Variants in PFN2 observed in about 807,000 individuals in gnomAD.
PFN2 encodes the protein profilin-2.
In PFN2, 8 loss-of-function variants were observed where a neutral mutation model predicts 15.3. That is an observed-to-expected ratio of 0.52 (90% CI 0.31 to 0.95). The LOEUF (loss-of-function observed/expected upper bound fraction) is 0.95, where lower values mean the gene tolerates loss of function less well. PFN2 is among the 40% of genes least tolerant of loss of function. The probability of loss-of-function intolerance (pLI) is 0.05; values close to 1 mark genes in which losing one functional copy is unlikely to be tolerated. For synonymous variants in PFN2, 79 were observed against 67.9 expected, an observed-to-expected ratio of 1.16 and a Z score of -0.81; for missense variants, 111 against 182.3, an observed-to-expected ratio of 0.61 and a Z score of 2.25.
chr3:149,966,394 C>A lies in PFN2; in HGVS notation c.*95G>T. On this transcript the variant is annotated 3_prime_UTR_variant, in exon 3 of 3. Coordinates refer to ENST00000239940, the MANE Select transcript of PFN2 (RefSeq NM_053024.4). ...CACAGGTTCATACCCCATCACCCTG[C>A]ATTGCTAATAAAATTTCCAGAATTA... is the stretch of plus-strand genomic sequence containing the variant. 1 of 1,589,252 alleles carries A rather than the reference C, an allele frequency of 6.3e-7. No individual in the cohort carries two copies. Among genetic ancestry groups the A allele is most frequent in the Non-Finnish European group, 8.5e-7 (1 of 1,170,218 alleles).
intron 1 of PFN2, among the ~76,000 whole-genome samples, chr3:149,969,245 G>A (rs1559986905): frequency 6.6e-6 from 1 of 152,172 alleles, no homozygotes; most frequent in African/African-American, 2.4e-5. Flanking sequence ...CAGCACTGCG[G>A]TAGGCAATAG....
At position 149,970,866 on chromosome 3, in the gene PFN2, C is replaced by T. The variant is rs1354019325; in HGVS notation, c.-10G>A. On this transcript the variant is annotated 5_prime_UTR_variant, in exon 1 of 3. Transcript: ENST00000239940. ...TCTGCCAACCGGCCATCTTCGAGCC[C>T]TTCGCACTGCAGCGCGGACGGCGAG... 4 of 1,430,208 alleles carry T rather than the reference C, an allele frequency of 2.8e-6. No individual in the cohort carries two copies. In the East Asian group the frequency reaches 9.6e-5, roughly 34 times the overall value. 88.6% of individuals were successfully genotyped at this position (1,430,208 alleles called of 1,614,324 possible).
rs1722695522 is a variant in PFN2 at position 149,966,483 on chromosome 3, T to C, written c.*6A>G. 2 of 1,612,566 alleles carry C rather than the reference T, an allele frequency of 1.2e-6. No individual in the cohort carries two copies. The highest frequency in any genetic ancestry group is 8.5e-7 in the Non-Finnish European group (1 of 1,178,974). On this transcript the variant is annotated 3_prime_UTR_variant, in exon 3 of 3. Coordinates refer to ENST00000239940, the MANE Select transcript of PFN2 (RefSeq NM_053024.4). ...TTCCCCTAATACTTAACAGTCTGCC[T>C]AGCAGCTAGAACCCAGAGTCTCTCA...
In PFN2 at chr3:149,965,753, C is replaced by T; in HGVS notation, c.*736G>A. 9.6e-7 allele frequency: 1 copy of T among 1,045,316 alleles called. No individual in the cohort carries two copies. The highest frequency in any genetic ancestry group is 1.2e-6 in the Non-Finnish European group (1 of 868,352). The allele number at this position is 1,045,316 out of a possible 1,614,324, so 64.8% of individuals were successfully genotyped here. A position where few individuals can be genotyped will look rare whatever the true frequency, so the allele number is the denominator to read the frequency against. On this transcript the variant is annotated 3_prime_UTR_variant, in exon 3 of 3. Coordinates refer to ENST00000239940, the MANE Select transcript of PFN2 (RefSeq NM_053024.4). The stretch of plus-strand genomic sequence containing the variant: ...GAAGAGTGAAGGAATGATGCATGCA[C>T]TTTTTCCTCCCAACCATGCGCTACA...
intron 1 of PFN2, among the ~76,000 whole-genome samples, chr3:149,970,199 G>A (rs549816114): frequency 3.9e-4 from 59 of 152,218 alleles, no homozygotes; most frequent in African/African-American, 1.4e-3. Flanking sequence ...CGGGGGCCGG[G>A]CCGGGGCCGC....
At chr3:149,970,346 T>C (rs935145372) in intron 1 of PFN2, 19 of 156,010 alleles carry the variant, frequency 1.2e-4, no homozygotes, top group African/African-American at 3.6e-4. Context: ...AGAACGTGCA[T>C]AGCAAACCTC....
intron 1 of PFN2, 65 bp from the exon 2 acceptor site, chr3:149,968,615 G>A: frequency 7.2e-7 from 1 of 1,386,916 alleles, no homozygotes; most frequent in Non-Finnish European, 1.0e-6. Context: ...ACTCCTTTTA[G>A]GGCTTGATGT....
chr3:149,968,568 GAA>G lies in PFN2; in HGVS notation c.133-20_133-19del, dbSNP rs376406214. On this transcript the variant is annotated intron_variant, in intron 1 of 2. Coordinates refer to ENST00000239940, the MANE Select transcript of PFN2 (RefSeq NM_053024.4). ...TCTATTGGCTGCCCCCCACCAAAAAGAAAAAAAAAAAACACACACACATTAAG... is the reference window on the plus strand; with the variant it reads ...TCTATTGGCTGCCCCCCACCAAAAAGAAAAAAAAAACACACACACATTAAG... 6.8e-5 allele frequency: 78 copies of G among 1,155,106 alleles called. No individual in the cohort carries two copies. The highest frequency in any genetic ancestry group is 5.4e-5 in the Non-Finnish European group (50 of 925,492). 71.6% of individuals were successfully genotyped at this position (1,155,106 alleles called of 1,614,324 possible).
Position 149,965,304 on chromosome 3 carries a change from T to C in PFN2, c.*1185A>G, listed in dbSNP as rs1336499849. 9 of 1,534,808 alleles carry C rather than the reference T, an allele frequency of 5.9e-6. No individual in the cohort carries two copies. The highest frequency in any genetic ancestry group is 7.9e-6 in the Non-Finnish European group (9 of 1,146,376). ...AAGCTGCAAATAAAAATTGGTCCTA[T>C]GAAGAACAAACTGGACACACTCCAG... is the stretch of plus-strand genomic sequence containing the variant. On this transcript the variant is annotated 3_prime_UTR_variant, in exon 3 of 3. Coordinates refer to ENST00000239940, the MANE Select transcript of PFN2 (RefSeq NM_053024.4).
chr3:149,966,736 G>A, intron 2 of PFN2, 150 bp from the exon 3 acceptor site: 1 of 649,442 alleles, frequency 1.5e-6, no homozygotes, highest in Non-Finnish European at 2.7e-6. Flanking sequence ...TTTCCAAAAA[G>A]AACTTTCAAA....
In PFN2 at chr3:149,965,408, A is replaced by G. The variant is rs974484532; in HGVS notation, c.*1081T>C. On this transcript the variant is annotated 3_prime_UTR_variant, in exon 3 of 3. Transcript: ENST00000239940. ...TAAAGAGTAGAGCTGGTGTGCAAAGAAAAAGGAAGAAAAATCTGAGCTATT... is the reference window on the plus strand; with the variant it reads ...TAAAGAGTAGAGCTGGTGTGCAAAGGAAAAGGAAGAAAAATCTGAGCTATT... 2 of 1,448,460 alleles carry G rather than the reference A, an allele frequency of 1.4e-6. No individual in the cohort carries two copies. Among genetic ancestry groups the G allele is most frequent in the African/African-American group, 1.4e-5 (1 of 69,894 alleles). 89.7% of individuals were successfully genotyped at this position (1,448,460 alleles called of 1,614,324 possible). A position where few individuals can be genotyped will look rare whatever the true frequency, so the allele number is the denominator to read the frequency against.
At position 149,970,661 on chromosome 3, in the gene PFN2, C is replaced by T; in HGVS notation, c.132+64G>A. The T allele has an allele frequency of 2.8e-6, 4 of 1,421,558 alleles. No individual in the cohort carries two copies. In the South Asian group the frequency reaches 4.1e-5, roughly 15 times the overall value. 88.1% of individuals were successfully genotyped at this position (1,421,558 alleles called of 1,614,324 possible). A position where few individuals can be genotyped will look rare whatever the true frequency, so the allele number is the denominator to read the frequency against. On this transcript the variant is annotated intron_variant, in intron 1 of 2. Transcript: ENST00000239940. ...AGTGTTCCAGCCCCGCGCTGCGGTG[C>T]CCCCGCGGCCGGCCACCCCGCTCCG...
At chr3:149,968,304 C>A in intron 2 of PFN2, 54 bp downstream of exon 2, 1 of 1,499,606 alleles carries the variant, frequency 6.7e-7, no homozygotes, top group Non-Finnish European at 9.2e-7. Flanking sequence ...AAAGAAACTG[C>A]TTAATAAGTT....
chr3:149,966,650 A>G, intron 2 of PFN2, 64 bp from the exon 3 acceptor site: 1 of 1,211,864 alleles, frequency 8.3e-7, no homozygotes, highest in Non-Finnish European at 1.2e-6. Flanking sequence ...CATAAGTTTT[A>G]GCAGACAGAA....
chr3:149,969,263 G>GA lies in PFN2; in HGVS notation c.133-714dup, dbSNP rs749073915. On this transcript the variant is annotated intron_variant, in intron 1 of 2. Coordinates refer to ENST00000239940, the MANE Select transcript of PFN2 (RefSeq NM_053024.4). ...CACTGCGGTAGGCAATAGTAAAACA[G>GA]AAAAAATGGAGGGAGATTGGGAAAG... Among the ~76,000 whole-genome samples the GA allele has an allele frequency of 9.2e-5, 14 of 152,220 alleles. No individual in the cohort carries two copies. The East Asian group carries it at 2.3e-3, about 25-fold the overall frequency.
In PFN2 at chr3:149,965,416, A is replaced by G. The variant is rs761614896; in HGVS notation, c.*1073T>C. The stretch of plus-strand genomic sequence containing the variant: ...AGAGCTGGTGTGCAAAGAAAAAGGA[A>G]GAAAAATCTGAGCTATTGCAATGAT... On this transcript the variant is annotated 3_prime_UTR_variant, in exon 3 of 3. Coordinates refer to ENST00000239940, the MANE Select transcript of PFN2 (RefSeq NM_053024.4). The G allele has an allele frequency of 6.3e-5, 91 of 1,448,368 alleles. No homozygotes were observed. The highest frequency in any genetic ancestry group is 1.8e-4 in the Middle Eastern group (1 of 5,558). The allele number at this position is 1,448,368 out of a possible 1,614,324, so 89.7% of individuals were successfully genotyped here.
In PFN2 at chr3:149,970,743, GC is replaced by G. The variant is rs1272983738; in HGVS notation, c.113del (p.Gly38AlafsTer9). The G allele has an allele frequency of 8.6e-6, 13 of 1,520,416 alleles. No homozygotes were observed. The highest frequency in any genetic ancestry group is 6.2e-5 in the Admixed American group (3 of 48,590). The allele number at this position is 1,520,416 out of a possible 1,614,324, so 94.2% of individuals were successfully genotyped here. The part of the protein sequence containing the change: ...AKYVWAATAG[G>X]VFQSITPIEI... ...TCCTCACCGTAATGCTCTGAAAGACGCCCCCGGCCGTGGCTGCCCAGACGTA... is the reference window on the plus strand; with the variant it reads ...TCCTCACCGTAATGCTCTGAAAGACGCCCCGGCCGTGGCTGCCCAGACGTA... On this transcript the variant is annotated frameshift_variant, in exon 1 of 3. Coordinates refer to ENST00000239940, the MANE Select transcript of PFN2 (RefSeq NM_053024.4). LOFTEE classifies it high-confidence loss of function.
In PFN2 at chr3:149,965,395, C is replaced by G; in HGVS notation, c.*1094G>C. 1 of 1,463,000 alleles carries G rather than the reference C, an allele frequency of 6.8e-7. No homozygotes were observed. Among genetic ancestry groups the G allele is most frequent in the South Asian group, 1.4e-5 (1 of 70,442 alleles). The allele number at this position is 1,463,000 out of a possible 1,614,324, so 90.6% of individuals were successfully genotyped here. ...TTTACAATTTTACTAAAGAGTAGAGCTGGTGTGCAAAGAAAAAGGAAGAAA... is the reference window on the plus strand; with the variant it reads ...TTTACAATTTTACTAAAGAGTAGAGGTGGTGTGCAAAGAAAAAGGAAGAAA... On this transcript the variant is annotated 3_prime_UTR_variant, in exon 3 of 3. Transcript: ENST00000239940.
rs2108631962 is a variant in PFN2 at position 149,970,744 on chromosome 3, C to T, written c.113G>A (p.Gly38Asp). 2 of 1,520,346 alleles carry T rather than the reference C, an allele frequency of 1.3e-6. No individual in the cohort carries two copies. The highest frequency in any genetic ancestry group is 1.4e-5 in the African/African-American group (1 of 70,612). The allele number at this position is 1,520,346 out of a possible 1,614,324, so 94.2% of individuals were successfully genotyped here. ...AKYVWAATAG[G>D]VFQSITPIEI... Reference sequence around the variant, plus strand: ...CCTCACCGTAATGCTCTGAAAGACGCCCCCGGCCGTGGCTGCCCAGACGTA... The same window carrying T: ...CCTCACCGTAATGCTCTGAAAGACGTCCCCGGCCGTGGCTGCCCAGACGTA... The change falls in exon 1 of 3, where the codon GGC (glycine) becomes GAC (aspartate). Residue 38 changes from glycine (G) to aspartate (D), a missense_variant. Physicochemically the swap from Gly to Asp is moderately conservative, Grantham distance 94 (BLOSUM62 -1). Around this residue, in one of 2 missense-constraint regions of PFN2, gnomAD observed 64 missense variants for 69.7 expected, o/e 0.92. Transcript: ENST00000239940.
Sources: allele counts gnomAD v4.1 joint callset (sites outside exome capture counted in the v4.1 genomes callset), GRCh38; gene constraint gnomAD v4.1.1; regional missense constraint gnomAD v4.1.1; transcripts MANE v1.5; gene names NCBI Gene and HGNC (gene_info 2026-07-23, HGNC 2026-07-21).